Variants in COL13A1 observed in about 807,000 individuals in gnomAD.
COL13A1 encodes the protein collagen type XIII alpha 1 chain.
COL13A1 carries 89 observed loss-of-function variants against 130.9 expected under a neutral mutation model. The observed-to-expected ratio is 0.68, with a 90% CI of 0.57 to 0.81. COL13A1 has a LOEUF of 0.81. Among genes scored for constraint, COL13A1 ranks in the 30% least tolerant of loss-of-function variants. The probability of loss-of-function intolerance (pLI) is 0.00; values close to 1 mark genes in which losing one functional copy is unlikely to be tolerated. For synonymous variants in COL13A1, 402 were observed against 341.6 expected, an observed-to-expected ratio of 1.18 and a Z score of -1.95; for missense variants, 879 against 934.6, an observed-to-expected ratio of 0.94 and a Z score of 0.78.
In COL13A1 at chr10:69,925,037, C is replaced by G. The variant is rs746538000; in HGVS notation, c.1329+30C>G. 1.9e-5 allele frequency: 29 copies of G among 1,513,012 alleles called. 1 individual carries two copies. The Middle Eastern group carries it at 5.3e-4, about 27-fold the overall frequency. The allele number at this position is 1,513,012 out of a possible 1,614,324, so 93.7% of individuals were successfully genotyped here. A position where few individuals can be genotyped will look rare whatever the true frequency, so the allele number is the denominator to read the frequency against. On this transcript the variant is annotated intron_variant, in intron 25 of 40. Coordinates refer to ENST00000645393, the MANE Select transcript of COL13A1 (RefSeq NM_001368882.1). ...GTGCCTCTCCCTCCTGGAGTCACAG[C>G]GTGAAGCGGCTGGTAAATCAAAAAA...
At chr10:69,868,585 C>G (rs12357738) in intron 3 of COL13A1, among the ~76,000 whole-genome samples, 23,069 of 152,156 alleles carry the variant, frequency 0.15, 1,944 homozygotes, top group Middle Eastern at 0.21. Flanking sequence ...TTGAAAGGGC[C>G]CAGCCCTCGC....
intron 2 of COL13A1, among the ~76,000 whole-genome samples, chr10:69,838,552 C>G (rs7913732): frequency 0.24 from 35,912 of 152,162 alleles, 4,506 homozygotes; most frequent in African/African-American, 0.32. Context: ...GTACTCAGCT[C>G]TCCTGAACCG....
intron 1 of COL13A1, among the ~76,000 whole-genome samples, chr10:69,809,257 G>A (rs919107788): frequency 6.6e-6 from 1 of 152,190 alleles, no homozygotes; most frequent in Admixed American, 6.5e-5. Context: ...TTTGGCTAAT[G>A]GCAACTGTAA....
At chr10:69,820,221 A>G (rs3847350) in intron 1 of COL13A1, among the ~76,000 whole-genome samples, 26,452 of 152,122 alleles carry the variant, frequency 0.17, 2,312 homozygotes, top group Admixed American at 0.26. Flanking sequence ...TTTCTTCCAC[A>G]AGAAGTTATG....
intron 6 of COL13A1, among the ~76,000 whole-genome samples, chr10:69,880,279 A>C (rs906765708): frequency 6.6e-6 from 1 of 150,724 alleles, no homozygotes; most frequent in African/African-American, 2.4e-5. Flanking sequence ...GCCCTTCCCA[A>C]CCCATTCTGA....
intron 2 of COL13A1, among the ~76,000 whole-genome samples, chr10:69,839,519 G>A (rs1248943898): frequency 6.6e-6 from 1 of 152,226 alleles, no homozygotes; most frequent in African/African-American, 2.4e-5. Flanking sequence ...TTATCTGTGA[G>A]AAGGTGACAT....
chr10:69,910,994 T>A (rs1023918872), intron 17 of COL13A1, among the ~76,000 whole-genome samples: 2 of 152,096 alleles, frequency 1.3e-5, no homozygotes, highest in African/African-American at 4.8e-5. Context: ...GAGGAGGAAA[T>A]GAGAGCTTCA....
chr10:69,945,954 C>T (rs2068458134), intron 37 of COL13A1, among the ~76,000 whole-genome samples: 1 of 152,010 alleles, frequency 6.6e-6, no homozygotes, highest in Non-Finnish European at 1.5e-5. Context: ...ACCTGTATCC[C>T]AGCTACTCGG....
chr10:69,858,135 A>AAAAAAAAAAAAAT (rs56917438), intron 2 of COL13A1, among the ~76,000 whole-genome samples: 1 of 150,916 alleles, frequency 6.6e-6, no homozygotes, highest in Non-Finnish European at 1.5e-5. Flanking sequence ...AAAAAAAAAA[A>AAAAAAAAAAAAAT]GATTGGTGCC....
chr10:69,888,748 C>A (rs1297807062), intron 9 of COL13A1, among the ~76,000 whole-genome samples: 3 of 152,138 alleles, frequency 2.0e-5, no homozygotes, highest in African/African-American at 7.2e-5. Flanking sequence ...GGTCTCCCTC[C>A]CCGATTGAGA....
chr10:69,936,765 G>A lies in COL13A1; in HGVS notation c.1780G>A (p.Gly594Ser), dbSNP rs374003162. Residue 594 changes from glycine (G) to serine (S), a missense_variant, in exon 33 of 41, where the codon GGT becomes AGT. This residue lies in a region of COL13A1 where 96 missense variants were observed against 147.7 expected (regional missense o/e 0.65). Coordinates refer to ENST00000645393, the MANE Select transcript of COL13A1 (RefSeq NM_001368882.1). ...TTTATTCCAAATGCAGGGGCTCCAA[G>A]GTGTTCCTGGACCAAAGGTAAGGAG... ...EGPPGPPGLQ[G>S]VPGPKGEAGL... 6.2e-7 allele frequency: 1 copy of A among 1,613,952 alleles called. No individual in the cohort carries two copies. The highest frequency in any genetic ancestry group is 1.7e-5 in the Admixed American group (1 of 60,022).
chr10:69,905,942 C>A, intron 17 of COL13A1, 120 bp downstream of exon 17: 1 of 1,127,696 alleles, frequency 8.9e-7, no homozygotes, highest in Non-Finnish European at 1.3e-6. Context: ...TGTAGTGAGG[C>A]AGGCCAGGTT....
At chr10:69,813,210 C>T (rs984971642) in intron 1 of COL13A1, among the ~76,000 whole-genome samples, 12 of 152,180 alleles carry the variant, frequency 7.9e-5, no homozygotes, top group Admixed American at 2.6e-4. Flanking sequence ...CCTGCCTTAT[C>T]CTGCACCAGG....
At chr10:69,910,225 G>A (rs761926195) in intron 17 of COL13A1, among the ~76,000 whole-genome samples, 2 of 151,898 alleles carry the variant, frequency 1.3e-5, no homozygotes, top group African/African-American at 2.4e-5. Flanking sequence ...GCACTAACAC[G>A]AAGGGTGGCT....
At chr10:69,816,135 A>G (rs1844435509) in intron 1 of COL13A1, among the ~76,000 whole-genome samples, 1 of 150,826 alleles carries the variant, frequency 6.6e-6, no homozygotes, top group South Asian at 2.1e-4. Context: ...CTGCAGGGGC[A>G]CGGGCAGAAG....
chr10:69,940,896 CT>C (rs1232271301), intron 34 of COL13A1, 91 bp from the exon 35 acceptor site: 1 of 1,556,074 alleles, frequency 6.4e-7, no homozygotes, highest in African/African-American at 1.4e-5. Flanking sequence ...AGAGTCACTG[CT>C]TTACTCACCT....
chr10:69,889,590 T>C, intron 10 of COL13A1, 150 bp downstream of exon 10: 1 of 998,314 alleles, frequency 1.0e-6, no homozygotes, highest in South Asian at 1.5e-5. Context: ...CCACATGCCC[T>C]GGATCCTCAC....
At chr10:69,958,118 C>T (rs980544418) in intron 40 of COL13A1, among the ~76,000 whole-genome samples, 4 of 152,102 alleles carry the variant, frequency 2.6e-5, no homozygotes, top group African/African-American at 9.7e-5. Flanking sequence ...AGGAAAAGCT[C>T]AACACTCAAG....
chr10:69,890,062 C>T (rs545881786), intron 10 of COL13A1, among the ~76,000 whole-genome samples: 9 of 152,320 alleles, frequency 5.9e-5, no homozygotes, highest in African/African-American at 2.2e-4. Context: ...CAGCATCCCG[C>T]GGCCACCACC....
Sources: allele counts gnomAD v4.1 joint callset (sites outside exome capture counted in the v4.1 genomes callset), GRCh38; gene constraint gnomAD v4.1.1; regional missense constraint gnomAD v4.1.1; transcripts MANE v1.5; gene names NCBI Gene and HGNC (gene_info 2026-07-23, HGNC 2026-07-21).